Variants in PDE1C observed in about 807,000 individuals in gnomAD.
PDE1C encodes the protein dual specificity calcium/calmodulin-dependent 3',5'-cyclic nucleotide phosphodiesterase 1C.
A neutral mutation model predicts 93.1 loss-of-function variants in PDE1C; 62 were observed. The ratio of observed to expected loss-of-function variants is 0.67; its 90% CI spans 0.54 to 0.82. The LOEUF is 0.82. Ranked by LOEUF, PDE1C falls within the 40% of genes least tolerant of loss-of-function variation. PDE1C has a pLI of 0.00. For missense variants in PDE1C, 742 were observed against 884.6 expected, an observed-to-expected ratio of 0.84 and a Z score of 2.04; for synonymous variants, 325 against 310.1, an observed-to-expected ratio of 1.05 and a Z score of -0.50.
At chr7:31,761,479 A>C (rs867395924) in intron 17 of PDE1C, among the ~76,000 whole-genome samples, 1 of 152,182 alleles carries the variant, frequency 6.6e-6, no homozygotes, top group Non-Finnish European at 1.5e-5. Context: ...TGACTTAAAG[A>C]GTTCTCTTAA....
chr7:31,934,623 ACTGT>A (rs1295440028), intron 2 of PDE1C, among the ~76,000 whole-genome samples: 1 of 152,092 alleles, frequency 6.6e-6, no homozygotes, highest in Non-Finnish European at 1.5e-5. Context: ...ATACGGCAAA[ACTGT>A]CTGACTCTTG....
At chr7:31,926,939 G>A (rs192927344) in intron 2 of PDE1C, among the ~76,000 whole-genome samples, 64 of 149,042 alleles carry the variant, frequency 4.3e-4, no homozygotes, top group African/African-American at 1.0e-3. Flanking sequence ...CCCCAGTGGC[G>A]CCTAGAACAC....
At chr7:32,133,114 C>T (rs1584824544) in intron 3 of PDE1C, among the ~76,000 whole-genome samples, 1 of 151,852 alleles carries the variant, frequency 6.6e-6, no homozygotes, top group African/African-American at 2.4e-5. Context: ...AACTGAAAAG[C>T]TAGGGTGAGG....
At chr7:31,741,082 TGCATATTGTACATTTTA>T in the PDE1C span, among the ~76,000 whole-genome samples, 1 of 151,902 alleles carries the variant, frequency 6.6e-6, no homozygotes, top group African/African-American at 2.4e-5. Context: ...AAAATAGAAT[TGCATATTGTACATTTTA>T]TGTTTACTAA....
the PDE1C span, among the ~76,000 whole-genome samples, chr7:31,661,844 C>T: frequency 1.4e-4 from 21 of 152,302 alleles, no homozygotes; most frequent in Admixed American, 1.2e-3. Flanking sequence ...TGCCTACTCC[C>T]TTCAGTTCAC....
In PDE1C at chr7:32,169,764, T is replaced by C. The variant is rs2072312; in HGVS notation, c.308+21A>G. 224,439 of 1,603,376 alleles carry C rather than the reference T, an allele frequency of 0.14. 16,981 individuals carry two copies. The highest frequency in any genetic ancestry group is 0.24 in the East Asian group (10,900 of 44,776). On this transcript the variant is annotated intron_variant, in intron 3 of 18. Transcript: ENST00000396193. ...CCACAAGCAAATAAGAAGGAACACA[T>C]TGAGTTGCAATCCACCAAACCTGAA...
the PDE1C span, among the ~76,000 whole-genome samples, chr7:31,628,490 C>A: frequency 9.3e-5 from 14 of 150,568 alleles, no homozygotes; most frequent in Non-Finnish European, 1.5e-4. Context: ...AGGAGTCTCG[C>A]TCTGTCACTC....
chr7:31,617,205 T>C, the PDE1C span, among the ~76,000 whole-genome samples: 1 of 152,204 alleles, frequency 6.6e-6, no homozygotes, highest in East Asian at 1.9e-4. Context: ...CTATTATTTC[T>C]TCTATAAACT....
chr7:31,821,745 C>T (rs572721071), intron 14 of PDE1C, among the ~76,000 whole-genome samples: 2 of 152,158 alleles, frequency 1.3e-5, no homozygotes, highest in African/African-American at 4.8e-5. Context: ...GCCACTTGAA[C>T]AGAATTTTAT....
chr7:31,788,348 T>C (rs1436461517), intron 16 of PDE1C: 1 of 152,202 alleles, frequency 6.6e-6, no homozygotes, highest in Non-Finnish European at 1.5e-5. Context: ...TGCAAACCAA[T>C]GCCCCATGGA....
intron 1 of PDE1C, among the ~76,000 whole-genome samples, chr7:32,320,875 C>T (rs940269534): frequency 6.6e-6 from 1 of 152,166 alleles, no homozygotes; most frequent in Non-Finnish European, 1.5e-5. Flanking sequence ...CTGAAACCCA[C>T]GACCACTTGA....
At chr7:31,872,209 TG>T (rs775019598) in intron 6 of PDE1C, among the ~76,000 whole-genome samples, 1 of 152,066 alleles carries the variant, frequency 6.6e-6, no homozygotes, top group Non-Finnish European at 1.5e-5. Context: ...TGATAGATAC[TG>T]GAGGCTGGGA....
intron 14 of PDE1C, among the ~76,000 whole-genome samples, chr7:31,816,954 GT>G (rs1788348528): frequency 6.6e-6 from 1 of 152,150 alleles, no homozygotes; most frequent in Non-Finnish European, 1.5e-5. Flanking sequence ...AAATGCGTAG[GT>G]TAAGTATTTA....
intron 3 of PDE1C, among the ~76,000 whole-genome samples, chr7:32,163,488 G>A (rs1049818957): frequency 5.9e-5 from 9 of 152,194 alleles, no homozygotes; most frequent in Non-Finnish European, 8.8e-5. Flanking sequence ...GGCTCAATGC[G>A]ATTCTGCTCT....
chr7:32,241,811 C>G (rs116232142), intron 1 of PDE1C, among the ~76,000 whole-genome samples: 1 of 151,932 alleles, frequency 6.6e-6, no homozygotes, highest in Non-Finnish European at 1.5e-5. Context: ...CCTCAGCCAC[C>G]GCCTATCTGC....
chr7:31,871,115 A>G (rs757659158), intron 6 of PDE1C, among the ~76,000 whole-genome samples: 4 of 151,932 alleles, frequency 2.6e-5, no homozygotes, highest in Non-Finnish European at 5.9e-5. Flanking sequence ...AAAGGCACCA[A>G]AAACTTACAG....
chr7:32,214,217 G>GTATA lies in PDE1C; in HGVS notation c.86-4682_86-4679dup, dbSNP rs34068716. ...ACACAAGTATATATGTAAAAAACAT[G>GTATA]TATATATATATATAAAATATGTTTT... On this transcript the variant is annotated intron_variant, in intron 1 of 18. Coordinates refer to the PDE1C transcript ENST00000396193. Among the ~76,000 whole-genome samples the GTATA allele has an allele frequency of 1.7e-3, 255 of 150,824 alleles. 4 individuals are homozygous for GTATA. In the East Asian group the frequency reaches 0.03, roughly 18 times the overall value.
At position 31,964,679 on chromosome 7, in the gene PDE1C, C is replaced by T. The variant is rs539152010; in HGVS notation, c.129-83819G>A. Among the ~76,000 whole-genome samples the T allele has an allele frequency of 3.2e-4, 48 of 152,310 alleles. No individual in the cohort carries two copies. The East Asian group carries it at 8.9e-3, about 28-fold the overall frequency. ...CCTCCTCAAGTGGTTCCCTGACCCC[C>T]GAGTAGCCTAACTGGGAGGCAACCC... On this transcript the variant is annotated intron_variant, in intron 2 of 17. Transcript: ENST00000396191.
At chr7:32,191,136 A>T (rs970617645) in intron 2 of PDE1C, among the ~76,000 whole-genome samples, 1 of 152,212 alleles carries the variant, frequency 6.6e-6, no homozygotes, top group Non-Finnish European at 1.5e-5. Context: ...GTCAGTGAAG[A>T]TGTTTTCAAA....
Sources: allele counts gnomAD v4.1 joint callset (sites outside exome capture counted in the v4.1 genomes callset), GRCh38; gene constraint gnomAD v4.1.1; transcripts MANE v1.5; gene names NCBI Gene and HGNC (gene_info 2026-07-23, HGNC 2026-07-21).